The following MAGI1 variants were observed in gnomAD, a reference collection of about 807,000 sequenced individuals.
MAGI1 encodes the protein membrane associated guanylate kinase, WW and PDZ domain containing 1, also known as membrane-associated guanylate kinase, WW and PDZ domain-containing protein 1.
A neutral mutation model predicts 139.9 loss-of-function variants in MAGI1; 58 were observed. That is an observed-to-expected ratio of 0.41 (90% confidence interval 0.34 to 0.52). MAGI1 has a LOEUF of 0.52. MAGI1 is among the 20% of genes least tolerant of loss of function. The pLI, the probability that MAGI1 is intolerant of heterozygous loss-of-function variation, is 0.12. For synonymous variants in MAGI1, 812 were observed against 737.9 expected (o/e 1.10, Z -1.63); for missense variants, 1,874 against 1,901.6 (o/e 0.99, Z 0.27).
chr3:65,357,049 G>A lies in MAGI1; in HGVS notation c.3718C>T (p.Pro1240Ser). Residue 1240 changes from proline (P) to serine (S), a missense_variant, in exon 23 of 23, where the codon CCG becomes TCG. Physicochemically the swap from Pro to Ser is moderately conservative, Grantham distance 74 (BLOSUM62 -1). Transcript: ENST00000402939. ...GGTGGGTAACTGGACTCCAATGACGGATGCTGCCGGCGGTCGGGCCCGGCC... is the reference window on the plus strand; with the variant it reads ...GGTGGGTAACTGGACTCCAATGACGAATGCTGCCGGCGGTCGGGCCCGGCC... ...VRAGPDRRQH[P>S]SLESSYPPDL... The A allele has an allele frequency of 1.9e-6, 3 of 1,614,192 alleles. No homozygotes were observed. The highest frequency in any genetic ancestry group is 2.5e-6 in the Non-Finnish European group (3 of 1,180,024).
intron 2 of MAGI1, among the ~76,000 whole-genome samples, chr3:65,554,846 T>G (rs547406341): frequency 6.6e-6 from 1 of 152,328 alleles, no homozygotes; most frequent in East Asian, 1.9e-4. Context: ...ACTAAGGAAC[T>G]GTCTCCATTG....
At chr3:65,893,333 C>CT (rs577178706) in intron 1 of MAGI1, among the ~76,000 whole-genome samples, 268 of 145,426 alleles carry the variant, frequency 1.8e-3, no homozygotes, top group Non-Finnish European at 2.6e-3. Context: ...ATTCATTTTT[C>CT]TTTTTTTTTT....
intron 1 of MAGI1, among the ~76,000 whole-genome samples, chr3:65,656,719 C>T (rs2085895528): frequency 6.6e-6 from 1 of 151,986 alleles, no homozygotes; most frequent in African/African-American, 2.4e-5. Flanking sequence ...AGACACAGGG[C>T]CAGACCTAGC....
At chr3:65,401,368 A>ACCCAGC in intron 13 of MAGI1, 71 bp downstream of exon 13, 8 of 1,323,532 alleles carry the variant, frequency 6.0e-6, no homozygotes, top group Non-Finnish European at 5.3e-6. Context: ...CACACAGAGT[A>ACCCAGC]CCCTCCCACC....
At chr3:66,015,381 G>T (rs1338953405) in intron 1 of MAGI1, among the ~76,000 whole-genome samples, 1 of 151,886 alleles carries the variant, frequency 6.6e-6, no homozygotes, top group African/African-American at 2.4e-5. Context: ...ATTGATAACT[G>T]TGGACGCAGC....
intron 2 of MAGI1, among the ~76,000 whole-genome samples, chr3:65,511,261 A>C (rs199775984): frequency 2.0e-5 from 3 of 150,102 alleles, no homozygotes; most frequent in Non-Finnish European, 4.5e-5. Context: ...GAGCAAAATA[A>C]CCAGCTAACA....
chr3:65,678,846 A>G (rs1056971592), intron 1 of MAGI1, among the ~76,000 whole-genome samples: 1 of 152,206 alleles, frequency 6.6e-6, no homozygotes, highest in Non-Finnish European at 1.5e-5. Flanking sequence ...AATTCCAGAC[A>G]TACTTATTCT....
chr3:65,666,166 C>T (rs907112886), intron 1 of MAGI1, among the ~76,000 whole-genome samples: 5 of 152,188 alleles, frequency 3.3e-5, no homozygotes, highest in Non-Finnish European at 7.4e-5. Flanking sequence ...GATTCACCAT[C>T]AACTCCCTGT....
chr3:66,018,831 G>A (rs2067810600), intron 1 of MAGI1, among the ~76,000 whole-genome samples: 1 of 152,186 alleles, frequency 6.6e-6, no homozygotes, highest in Non-Finnish European at 1.5e-5. Flanking sequence ...AGTTTTGCAA[G>A]AATGAGAACT....
chr3:65,584,858 T>G (rs1336181440), intron 2 of MAGI1, among the ~76,000 whole-genome samples: 1 of 152,204 alleles, frequency 6.6e-6, no homozygotes, highest in African/African-American at 2.4e-5. Flanking sequence ...ATTTAAATCT[T>G]TCTTGTACCA....
intron 2 of MAGI1, among the ~76,000 whole-genome samples, chr3:65,579,739 C>T (rs529267570): frequency 6.2e-4 from 94 of 151,028 alleles, no homozygotes; most frequent in African/African-American, 2.2e-3. Flanking sequence ...CCCAGCTACT[C>T]GGGAGGCTGA....
At chr3:65,743,347 T>A (rs1020256564) in intron 1 of MAGI1, among the ~76,000 whole-genome samples, 19 of 152,180 alleles carry the variant, frequency 1.2e-4, no homozygotes, top group Admixed American at 7.2e-4. Flanking sequence ...TTCTTTATAT[T>A]CCACCATCTT....
At chr3:65,439,827 T>G in intron 9 of MAGI1, 52 bp downstream of exon 9, 1 of 1,603,080 alleles carries the variant, frequency 6.2e-7, no homozygotes, top group African/African-American at 1.3e-5. Context: ...AGCGCTCAGA[T>G]TTCACCCCAT....
chr3:65,392,624 C>T, intron 13 of MAGI1, among the ~76,000 whole-genome samples: 1 of 152,130 alleles, frequency 6.6e-6, no homozygotes, highest in Non-Finnish European at 1.5e-5. Context: ...TGCTGTCTCC[C>T]CGAGTATCCT....
intron 1 of MAGI1, among the ~76,000 whole-genome samples, chr3:65,736,970 C>G (rs902012420): frequency 6.6e-6 from 1 of 152,066 alleles, no homozygotes; most frequent in African/African-American, 2.4e-5. Flanking sequence ...CCAGCCAGAA[C>G]TGATTGTTAA....
intron 1 of MAGI1, among the ~76,000 whole-genome samples, chr3:65,960,247 T>G (rs1428725824): frequency 6.6e-6 from 1 of 152,182 alleles, no homozygotes; most frequent in Non-Finnish European, 1.5e-5. Flanking sequence ...TGATTTTCCT[T>G]TGAGCCTAGA....
At chr3:65,965,713 C>T (rs1457345714) in intron 1 of MAGI1, among the ~76,000 whole-genome samples, 2 of 151,624 alleles carry the variant, frequency 1.3e-5, no homozygotes, top group African/African-American at 2.4e-5. Context: ...GAGTCTTACT[C>T]GGTCGCCCAG....
intron 1 of MAGI1, among the ~76,000 whole-genome samples, chr3:65,685,307 C>CCT (rs2107532012): frequency 7.0e-6 from 1 of 143,246 alleles, no homozygotes; most frequent in South Asian, 2.2e-4. Context: ...TATATTTCTT[C>CCT]ATTTAAAAAA....
At chr3:65,637,249 T>C (rs2084679421) in intron 1 of MAGI1, among the ~76,000 whole-genome samples, 1 of 151,858 alleles carries the variant, frequency 6.6e-6, no homozygotes, top group Non-Finnish European at 1.5e-5. Flanking sequence ...GCAAAGAGCA[T>C]ATTAGAAAAA....
Sources: allele counts gnomAD v4.1 joint callset (sites outside exome capture counted in the v4.1 genomes callset), GRCh38; gene constraint gnomAD v4.1.1; transcripts MANE v1.5; gene names NCBI Gene and HGNC (gene_info 2026-07-23, HGNC 2026-07-21).